PTPN3: variants seen among roughly 807,000 people sequenced by gnomAD.
PTPN3 encodes the protein protein tyrosine phosphatase non-receptor type 3.
In PTPN3, 96 loss-of-function variants were observed where a neutral mutation model predicts 132.7. That is an observed-to-expected ratio of 0.72 (90% CI 0.61 to 0.86). The LOEUF is 0.86. Ranked by LOEUF, PTPN3 falls within the 40% of genes least tolerant of loss-of-function variation. The pLI, the probability that PTPN3 is intolerant of heterozygous loss-of-function variation, is 0.00. For synonymous variants in PTPN3, 398 were observed against 429.0 expected, an observed-to-expected ratio of 0.93 and a Z score of 0.89; for missense variants, 1,125 against 1,159.6, an observed-to-expected ratio of 0.97 and a Z score of 0.43.
At chr9:109,453,570 G>A (rs1461666705) in intron 5 of PTPN3, among the ~76,000 whole-genome samples, 1 of 152,092 alleles carries the variant, frequency 6.6e-6, no homozygotes, top group African/African-American at 2.4e-5. Flanking sequence ...GAGACTCCAA[G>A]CCCTGAGGGG....
At chr9:109,500,765 T>C (rs1454332753), upstream of PTPN3, among the ~76,000 whole-genome samples, 3 of 151,498 alleles carry the variant, frequency 2.0e-5, no homozygotes, top group African/African-American at 7.3e-5. Flanking sequence ...ACCCCATCTT[T>C]ACAAAAAAAA....
the PTPN3 span, among the ~76,000 whole-genome samples, chr9:109,511,095 A>G: frequency 1.4e-4 from 21 of 152,294 alleles, no homozygotes; most frequent in Admixed American, 7.2e-4. Context: ...TGATTAAAGC[A>G]CTGACCATGG....
chr9:109,423,995 C>T (rs1461593725), intron 12 of PTPN3, among the ~76,000 whole-genome samples: 1 of 152,162 alleles, frequency 6.6e-6, no homozygotes, highest in African/African-American at 2.4e-5. Flanking sequence ...GATCAAAATG[C>T]TCACAACAGC....
In PTPN3 at chr9:109,379,290, A is replaced by C; in HGVS notation, c.*266T>G. ...GTGTGTGTGGTGATGTTAGGGAAGA[A>C]GGCATTAGGACAGGCCCCAAACTGA... On this transcript the variant is annotated 3_prime_UTR_variant, in exon 26 of 26. Transcript: ENST00000374541. 2.4e-6 allele frequency: 1 copy of C among 421,928 alleles called. No individual in the cohort carries two copies. Among genetic ancestry groups the C allele is most frequent in the African/African-American group, 2.0e-5 (1 of 49,728 alleles). 26.1% of individuals were successfully genotyped at this position (421,928 alleles called of 1,614,324 possible).
At chr9:109,402,217 A>G (rs906531920) in intron 19 of PTPN3, among the ~76,000 whole-genome samples, 4 of 152,160 alleles carry the variant, frequency 2.6e-5, no homozygotes, top group Admixed American at 2.6e-4. Flanking sequence ...GAAAATATGA[A>G]TGAGTTTTAC....
the PTPN3 span, among the ~76,000 whole-genome samples, chr9:109,503,347 T>A: frequency 6.6e-6 from 1 of 152,110 alleles, no homozygotes. Context: ...CTAAGGCTCC[T>A]GGACTCGATG....
At chr9:109,462,171 C>T (rs1462605625) in intron 2 of PTPN3, among the ~76,000 whole-genome samples, 2 of 152,216 alleles carry the variant, frequency 1.3e-5, no homozygotes. Context: ...GCGAAGGGCC[C>T]AAACTTCCAT....
chr9:109,438,273 T>G, intron 7 of PTPN3, 39 bp from the exon 8 acceptor site: 1 of 1,590,888 alleles, frequency 6.3e-7, no homozygotes, highest in East Asian at 2.2e-5. Flanking sequence ...TAATTAGTTT[T>G]GCCTTTTTAA....
chr9:109,478,824 TCACATCAAA>T (rs1846815278), intron 1 of PTPN3, among the ~76,000 whole-genome samples: 1 of 152,190 alleles, frequency 6.6e-6, no homozygotes, highest in African/African-American at 2.4e-5. Context: ...TACTGGACTC[TCACATCAAA>T]AGAGGGGACC....
chr9:109,423,448 T>C (rs1843018845), intron 12 of PTPN3, among the ~76,000 whole-genome samples: 1 of 151,946 alleles, frequency 6.6e-6, no homozygotes, highest in Non-Finnish European at 1.5e-5. Flanking sequence ...CTACTAAAAA[T>C]ACAAAAAATT....
chr9:109,467,745 G>T (rs928986321), intron 1 of PTPN3, among the ~76,000 whole-genome samples: 1 of 152,178 alleles, frequency 6.6e-6, no homozygotes. Context: ...GCTCCTGCTC[G>T]TGCTGGCGTG....
intron 21 of PTPN3, among the ~76,000 whole-genome samples, chr9:109,390,313 T>TAA (rs1405067157): frequency 7.9e-5 from 12 of 152,336 alleles, no homozygotes; most frequent in African/African-American, 2.9e-4. Context: ...ATCATCTGTC[T>TAA]ATTTAGGAGT....
intron 5 of PTPN3, 96 bp downstream of exon 5, chr9:109,454,400 G>T: frequency 9.8e-7 from 1 of 1,023,830 alleles, no homozygotes. Flanking sequence ...ACACCCAAAT[G>T]AAGTTATTTG....
intron 7 of PTPN3, among the ~76,000 whole-genome samples, chr9:109,440,942 C>T (rs1844419492): frequency 6.6e-6 from 1 of 152,164 alleles, no homozygotes; most frequent in African/African-American, 2.4e-5. Flanking sequence ...ATTTGCAAAA[C>T]ACTGGGCGGT....
intron 1 of PTPN3, among the ~76,000 whole-genome samples, chr9:109,478,851 G>A (rs1393068236): frequency 2.0e-5 from 3 of 152,190 alleles, no homozygotes; most frequent in South Asian, 2.1e-4. Context: ...ACCAGGCTTC[G>A]CCCATGAGGT....
the PTPN3 span, among the ~76,000 whole-genome samples, chr9:109,516,131 G>T: frequency 6.6e-6 from 1 of 152,128 alleles, no homozygotes; most frequent in Non-Finnish European, 1.5e-5. Flanking sequence ...TCCACTCTTG[G>T]AAGATCCCTT....
chr9:109,532,118 A>G, the PTPN3 span, among the ~76,000 whole-genome samples: 1 of 152,212 alleles, frequency 6.6e-6, no homozygotes, highest in Non-Finnish European at 1.5e-5. Context: ...CTGGGTGACC[A>G]AATGTTCCGA....
At chr9:109,407,381 T>G (rs1041784508) in intron 17 of PTPN3, among the ~76,000 whole-genome samples, 1 of 152,056 alleles carries the variant, frequency 6.6e-6, no homozygotes, top group African/African-American at 2.4e-5. Flanking sequence ...AGACCCTGTC[T>G]CTTAAAAAAG....
chr9:109,465,099 G>A (rs113269727), intron 1 of PTPN3, among the ~76,000 whole-genome samples: 6 of 152,286 alleles, frequency 3.9e-5, no homozygotes, highest in African/African-American at 1.4e-4. Flanking sequence ...GAAAAAGAGA[G>A]TATAATATTT....
Sources: gnomAD v4.1 joint callset for allele counts (sites outside exome capture counted in the v4.1 genomes callset) on GRCh38, gnomAD v4.1.1 for gene constraint, MANE v1.5 for transcripts, NCBI Gene and HGNC (gene_info 2026-07-23, HGNC 2026-07-21) for gene names.